The following CDC42 variants were observed in gnomAD, a reference collection of about 807,000 sequenced individuals.
CDC42 encodes cell division control protein 42 homolog.
In CDC42, 1 loss-of-function variant was observed where a neutral mutation model predicts 20.8. That is an observed-to-expected ratio of 0.05 (90% CI 0.02 to 0.23). The LOEUF is 0.23. CDC42 is among the 10% of genes least tolerant of loss of function. The probability of loss-of-function intolerance (pLI) is 1.00; values close to 1 mark genes in which losing one functional copy is unlikely to be tolerated. For missense variants in CDC42, 49 were observed against 227.9 expected (o/e 0.21, Z 5.05); for synonymous variants, 72 against 84.8 (o/e 0.85, Z 0.83).
At chr1:22,055,698 A>C (rs1175610438) in intron 1 of CDC42, among the ~76,000 whole-genome samples, 1 of 151,940 alleles carries the variant, frequency 6.6e-6, no homozygotes, top group Non-Finnish European at 1.5e-5. Context: ...CATGTTGTCC[A>C]GGCTGATCTG....
chr1:22,075,918 T>G (rs1382336843), intron 1 of CDC42, among the ~76,000 whole-genome samples: 1 of 152,098 alleles, frequency 6.6e-6, no homozygotes, highest in Non-Finnish European at 1.5e-5. Context: ...TGTGGGTAAA[T>G]AGAAAGGGGA....
intron 1 of CDC42, among the ~76,000 whole-genome samples, chr1:22,058,774 C>T (rs968351044): frequency 6.6e-6 from 1 of 152,150 alleles, no homozygotes; most frequent in African/African-American, 2.4e-5. Context: ...GCTGGGATTA[C>T]AGGCGTGAAC....
intron 3 of CDC42, among the ~76,000 whole-genome samples, chr1:22,082,875 A>T (rs1295177788): frequency 9.3e-5 from 13 of 140,208 alleles, no homozygotes; most frequent in East Asian, 6.1e-4. Context: ...CACAGAGAAA[A>T]TTTTTATTTT....
At chr1:22,088,121 T>C (rs1475277167) in intron 5 of CDC42, among the ~76,000 whole-genome samples, 8 of 152,176 alleles carry the variant, frequency 5.3e-5, no homozygotes, top group Admixed American at 5.2e-4. Flanking sequence ...GTTTTGAGAG[T>C]TTTAAAAAAT....
In CDC42 at chr1:22,099,371, A is replaced by G. The variant is rs957175390; in HGVS notation, c.*7854A>G. Among the ~76,000 whole-genome samples the G allele has an allele frequency of 6.6e-6, 1 of 152,248 alleles. No individual in the cohort carries two copies. The highest frequency in any genetic ancestry group is 1.5e-5 in the Non-Finnish European group (1 of 68,046). ...GGTGTTATCACACTTGCTACTCACA[A>G]CAGCTCTGAGGTTGATAGTACAGGT... On this transcript the variant is annotated 3_prime_UTR_variant, in exon 6 of 6. Transcript: ENST00000656825.
At chr1:22,056,380 C>G (rs16826239) in intron 1 of CDC42, among the ~76,000 whole-genome samples, 3 of 152,188 alleles carry the variant, frequency 2.0e-5, no homozygotes, top group Admixed American at 2.0e-4. Context: ...GGACAATTTA[C>G]CATCACTTAG....
chr1:22,077,534 T>C (rs1645564765), intron 1 of CDC42, among the ~76,000 whole-genome samples: 1 of 152,130 alleles, frequency 6.6e-6, no homozygotes, highest in Non-Finnish European at 1.5e-5. Flanking sequence ...TAGGTACATA[T>C]TGGGTGGTGT....
chr1:22,099,469 ATCTG>A lies in CDC42; in HGVS notation c.*7957_*7960del, dbSNP rs1167556450. On this transcript the variant is annotated 3_prime_UTR_variant, in exon 6 of 6. Transcript: ENST00000656825. ...ATATGCAGCCAGAGTTGGAAATCCTATCTGTCTGATTTTGGAAACTGTGTGCTTA... is the reference window on the plus strand; with the variant it reads ...ATATGCAGCCAGAGTTGGAAATCCTATCTGATTTTGGAAACTGTGTGCTTA... Among the ~76,000 whole-genome samples the A allele has an allele frequency of 6.6e-6, 1 of 152,212 alleles. No homozygotes were observed. The highest frequency in any genetic ancestry group is 6.5e-5 in the Admixed American group (1 of 15,284).
intron 1 of CDC42, among the ~76,000 whole-genome samples, chr1:22,072,752 A>G (rs551004343): frequency 3.2e-4 from 49 of 152,268 alleles, no homozygotes; most frequent in African/African-American, 1.1e-3. Flanking sequence ...TTGTTATGAA[A>G]AACAAGAGAC....
At chr1:22,066,129 T>C (rs1235882435) in intron 1 of CDC42, among the ~76,000 whole-genome samples, 1 of 152,242 alleles carries the variant, frequency 6.6e-6, no homozygotes, top group Non-Finnish European at 1.5e-5. Flanking sequence ...TTGCCCTTAA[T>C]ATACTGTTCA....
intron 3 of CDC42, among the ~76,000 whole-genome samples, chr1:22,085,914 C>A (rs766414315): frequency 6.6e-6 from 1 of 152,148 alleles, no homozygotes; most frequent in Non-Finnish European, 1.5e-5. Flanking sequence ...GATGCCATCT[C>A]GGCTCACTGC....
rs1645764241 is a variant in CDC42 at position 22,097,299 on chromosome 1, C to G, written c.*5782C>G. Among the ~76,000 whole-genome samples, 1 of 152,204 alleles carries G rather than the reference C, an allele frequency of 6.6e-6. No homozygotes were observed. Among genetic ancestry groups the G allele is most frequent in the African/African-American group, 2.4e-5 (1 of 41,454 alleles). On this transcript the variant is annotated 3_prime_UTR_variant, in exon 6 of 6. Coordinates refer to ENST00000656825, the MANE Select transcript of CDC42 (RefSeq NM_001791.4). ...CGAGACCAGATCTTACTCTGTCGCCCAGGCTGGAGTGCAGTGGCGTGATCT... is the reference window on the plus strand; with the variant it reads ...CGAGACCAGATCTTACTCTGTCGCCGAGGCTGGAGTGCAGTGGCGTGATCT...
At chr1:22,071,665 C>A (rs979691737) in intron 1 of CDC42, among the ~76,000 whole-genome samples, 2 of 152,140 alleles carry the variant, frequency 1.3e-5, no homozygotes, top group Admixed American at 6.6e-5. Flanking sequence ...TCTGTTTAAT[C>A]CTACAACCAG....
chr1:22,094,293 G>GTTTTTTTTTTTTTTTTT lies in CDC42; in HGVS notation c.*2776_*2777insTTTTTTTTTTTTTTTTT, dbSNP rs1557910832. ...TGTTTTACTGAACATCCTAGAAATA[G>GTTTTTTTTTTTTTTTTT]ATTTTTTTTTTTTTTTTTTTTTGAG... On this transcript the variant is annotated 3_prime_UTR_variant, in exon 6 of 6. Coordinates refer to ENST00000656825, the MANE Select transcript of CDC42 (RefSeq NM_001791.4). Among the ~76,000 whole-genome samples the GTTTTTTTTTTTTTTTTT allele has an allele frequency of 7.2e-5, 2 of 27,696 alleles. No individual in the cohort carries two copies. Among genetic ancestry groups the GTTTTTTTTTTTTTTTTT allele is most frequent in the Non-Finnish European group, 5.9e-5 (1 of 16,882 alleles). 18.2% of individuals were successfully genotyped at this position (27,696 alleles called of 152,430 possible).
chr1:22,081,727 T>C lies in CDC42; in HGVS notation c.111T>C (p.Phe37=). The change falls in exon 3 of 6, where the codon TTT becomes TTC. Residue 37 remains phenylalanine (F), a synonymous_variant. Transcript: ENST00000656825. Reference sequence around the variant, plus strand: ...TTGTATTTTTTTGTTTTTAGGTTTTTGACAACTATGCAGTCACAGTTATGA... The same window carrying C: ...TTGTATTTTTTTGTTTTTAGGTTTTCGACAACTATGCAGTCACAGTTATGA... ...KFPSEYVPTV[F]DNYAVTVMIG... is the part of the protein sequence containing the mutation. 6.2e-7 allele frequency: 1 copy of C among 1,610,610 alleles called. No individual in the cohort carries two copies.
rs56218067 is a variant in CDC42 at position 22,069,613 on chromosome 1, CTT to C, written c.-50-8791_-50-8790del. 7.9e-3 allele frequency among the ~76,000 whole-genome samples: 868 copies of C among 109,662 alleles called. 11 individuals are homozygous for C. The highest frequency in any genetic ancestry group is 0.028 in the African/African-American group (795 of 28,284). 71.9% of individuals were successfully genotyped at this position (109,662 alleles called of 152,430 possible). On this transcript the variant is annotated intron_variant, in intron 1 of 5. Transcript: ENST00000656825. The stretch of plus-strand genomic sequence containing the variant: ...TTGGGACTACAGGCACATGCCACCA[CTT>C]TTTTTTTTTTTTTTTTTTTTTTTTA...
chr1:22,070,443 C>CTTT (rs567184632), intron 1 of CDC42, among the ~76,000 whole-genome samples: 1 of 60,306 alleles, frequency 1.7e-5, no homozygotes, highest in Non-Finnish European at 2.9e-5. Flanking sequence ...GCCTTTGCCT[C>CTTT]TTTTTTTTTT....
At chr1:22,078,658 T>C (rs1570015838) in intron 2 of CDC42, 75 bp downstream of exon 2, 6 of 1,547,350 alleles carry the variant, frequency 3.9e-6, no homozygotes, top group Middle Eastern at 1.7e-4. Context: ...TTTCTCTATG[T>C]GTACTGAATT....
At chr1:22,053,519 T>C (rs2501274) in intron 1 of CDC42, 144,004 of 152,224 alleles carry the variant, frequency 0.95, 68,206 homozygotes, top group East Asian at 1. Context: ...GTTACCTAAC[T>C]ACCTCCCGAA....
Sources: gnomAD v4.1 joint callset for allele counts (sites outside exome capture counted in the v4.1 genomes callset) on GRCh38, gnomAD v4.1.1 for gene constraint, MANE v1.5 for transcripts, NCBI Gene and HGNC (gene_info 2026-07-23, HGNC 2026-07-21) for gene names.